Variants in PDE4D observed in about 807,000 individuals in gnomAD.
PDE4D encodes phosphodiesterase 4D, also known as 3',5'-cyclic-AMP phosphodiesterase 4D.
In PDE4D, 24 loss-of-function variants were observed where a neutral mutation model predicts 87.4. That is an observed-to-expected ratio of 0.27 (90% CI 0.20 to 0.39). The LOEUF is 0.39. Ranked by LOEUF, PDE4D falls within the 10% of genes least tolerant of loss-of-function variation. The probability of loss-of-function intolerance (pLI) is 1.00; values close to 1 mark genes in which losing one functional copy is unlikely to be tolerated. For synonymous variants in PDE4D, 384 were observed against 383.2 expected, an observed-to-expected ratio of 1.00 and a Z score of -0.02; for missense variants, 714 against 1,041.0, an observed-to-expected ratio of 0.69 and a Z score of 4.32.
intron 1 of PDE4D, among the ~76,000 whole-genome samples, chr5:60,507,554 CT>C (rs1750378531): frequency 6.6e-6 from 1 of 151,968 alleles, no homozygotes; most frequent in Non-Finnish European, 1.5e-5. Context: ...TGGAAAATGT[CT>C]TTTTAGAAAA....
chr5:59,569,600 C>T (rs1821489794), intron 1 of PDE4D, among the ~76,000 whole-genome samples: 1 of 152,190 alleles, frequency 6.6e-6, no homozygotes, highest in African/African-American at 2.4e-5. Context: ...AATGCCTGTT[C>T]TGACCATTAG....
intron 1 of PDE4D, among the ~76,000 whole-genome samples, chr5:59,878,050 A>G (rs1189003867): frequency 6.6e-6 from 1 of 152,106 alleles, no homozygotes. Flanking sequence ...CTTCCTAGTT[A>G]GAGAGAGAGG....
At chr5:59,248,084 C>T (rs1759239495) in intron 1 of PDE4D, among the ~76,000 whole-genome samples, 1 of 143,224 alleles carries the variant, frequency 7.0e-6, no homozygotes. Context: ...CAAGCACCTC[C>T]ATTACGTATA....
chr5:60,353,795 A>T (rs1002483144), intron 1 of PDE4D, among the ~76,000 whole-genome samples: 4 of 152,198 alleles, frequency 2.6e-5, no homozygotes, highest in African/African-American at 9.6e-5. Flanking sequence ...CAAATACTTT[A>T]TATGCATACA....
intron 1 of PDE4D, among the ~76,000 whole-genome samples, chr5:59,723,670 C>A (rs1363111585): frequency 6.6e-6 from 1 of 152,070 alleles, no homozygotes; most frequent in Non-Finnish European, 1.5e-5. Context: ...TAGAAGAAAT[C>A]CTATCACCAA....
chr5:60,516,489 C>T (rs997059470), intron 1 of PDE4D, among the ~76,000 whole-genome samples: 10 of 152,142 alleles, frequency 6.6e-5, no homozygotes, highest in African/African-American at 1.9e-4. Context: ...ACCACCCTTT[C>T]CCATATGATG....
chr5:60,009,141 C>T (rs1324190475), intron 2 of PDE4D, among the ~76,000 whole-genome samples: 1 of 151,994 alleles, frequency 6.6e-6, no homozygotes, highest in Non-Finnish European at 1.5e-5. Context: ...AACTGCCTTC[C>T]TACATCTTAA....
At chr5:59,524,087 G>A (rs2153674783) in intron 1 of PDE4D, among the ~76,000 whole-genome samples, 1 of 152,334 alleles carries the variant, frequency 6.6e-6, no homozygotes, top group South Asian at 2.1e-4. Context: ...ACTGAGAGTA[G>A]TGTGGCACTA....
At chr5:59,922,450 C>G (rs1449956527) in intron 3 of PDE4D, among the ~76,000 whole-genome samples, 2 of 152,132 alleles carry the variant, frequency 1.3e-5, no homozygotes, top group Non-Finnish European at 2.9e-5. Flanking sequence ...GACTCCTTCC[C>G]TCCACCTAAG....
rs1583466132 is a variant in PDE4D at position 60,339,426 on chromosome 5, C to A, written c.-90+148516G>T. On this transcript the variant is annotated intron_variant, in intron 1 of 16. Transcript: ENST00000502484. ...TGCTGGACAAAGGGATGCTACACAC[C>A]CCAGGCAGGATGGCATGAAATTTCA... is the stretch of plus-strand genomic sequence containing the variant. Among the ~76,000 whole-genome samples, 3 of 152,094 alleles carry A rather than the reference C, an allele frequency of 2.0e-5. No homozygotes were observed. The East Asian group carries it at 5.8e-4, about 29-fold the overall frequency.
chr5:60,194,263 A>G (rs190716430), intron 1 of PDE4D, among the ~76,000 whole-genome samples: 175 of 151,730 alleles, frequency 1.2e-3, no homozygotes, highest in African/African-American at 4.1e-3. Flanking sequence ...CTAGACCTCC[A>G]TATCACAAAA....
intron 1 of PDE4D, among the ~76,000 whole-genome samples, chr5:59,692,157 C>T (rs75055114): frequency 0.061 from 9,283 of 152,078 alleles, 319 homozygotes; most frequent in Middle Eastern, 0.12. Context: ...ATCCTTTGTT[C>T]CATTTTTGAA....
chr5:59,116,519 A>G (rs1333147545), intron 5 of PDE4D, among the ~76,000 whole-genome samples: 1 of 152,204 alleles, frequency 6.6e-6, no homozygotes, highest in East Asian at 1.9e-4. Context: ...GAGTGCTTTT[A>G]AAAATCAGCA....
Position 58,969,239 on chromosome 5 carries a change from A to G in PDE4D, c.*5425T>C, listed in dbSNP as rs2153284117. The G allele has an allele frequency of 6.6e-6, 1 of 152,320 alleles. No individual in the cohort carries two copies. The highest frequency in any genetic ancestry group is 1.9e-4 in the East Asian group (1 of 5,182). The allele number at this position is 152,320 out of a possible 1,614,324, so 9.4% of individuals were successfully genotyped here. On this transcript the variant is annotated 3_prime_UTR_variant, in exon 15 of 15. Transcript: ENST00000340635. Reference sequence around the variant, plus strand: ...CTGTGGTCTGGTGGGAGAGACAGATAACAAAAACAAACACGTATATAAATC... The same window carrying G: ...CTGTGGTCTGGTGGGAGAGACAGATGACAAAAACAAACACGTATATAAATC...
chr5:59,322,541 T>C (rs1177616056), intron 1 of PDE4D, among the ~76,000 whole-genome samples: 1 of 152,124 alleles, frequency 6.6e-6, no homozygotes, highest in East Asian at 1.9e-4. Context: ...TTGGGAACAC[T>C]GGTATTCTAG....
chr5:59,619,334 A>C (rs1212726503), intron 1 of PDE4D, among the ~76,000 whole-genome samples: 3 of 152,138 alleles, frequency 2.0e-5, no homozygotes, highest in African/African-American at 7.2e-5. Context: ...AGACATATCT[A>C]AAATATAAGC....
intron 1 of PDE4D, among the ~76,000 whole-genome samples, chr5:59,876,309 A>T (rs946902194): frequency 6.6e-6 from 1 of 152,162 alleles, no homozygotes; most frequent in Admixed American, 6.5e-5. Flanking sequence ...GATAATGATG[A>T]TGATAGTGAT....
chr5:60,105,550 C>T (rs182304721), intron 2 of PDE4D, among the ~76,000 whole-genome samples: 23 of 152,102 alleles, frequency 1.5e-4, no homozygotes, highest in East Asian at 7.7e-4. Flanking sequence ...ACCTCCAAGA[C>T]GCATAATTGT....
intron 2 of PDE4D, among the ~76,000 whole-genome samples, chr5:60,114,490 A>C (rs1582729364): frequency 6.6e-6 from 1 of 152,150 alleles, no homozygotes; most frequent in East Asian, 1.9e-4. Context: ...AAATACAATC[A>C]GCATCTCTCA....
Sources: allele counts gnomAD v4.1 joint callset (sites outside exome capture counted in the v4.1 genomes callset), GRCh38; gene constraint gnomAD v4.1.1; transcripts MANE v1.5; gene names NCBI Gene and HGNC (gene_info 2026-07-23, HGNC 2026-07-21).